Variants in KHDRBS2 observed in about 807,000 individuals in gnomAD.
KHDRBS2 encodes the protein KH domain-containing, RNA-binding, signal transduction-associated protein 2.
KHDRBS2 carries 26 observed loss-of-function variants against 44.3 expected under a neutral mutation model. That is an observed-to-expected ratio of 0.59 (90% confidence interval 0.43 to 0.81). The LOEUF is 0.81. KHDRBS2 is among the 40% of genes least tolerant of loss of function. The probability of loss-of-function intolerance (pLI) is 0.00; values close to 1 mark genes in which losing one functional copy is unlikely to be tolerated. For missense variants in KHDRBS2, 476 were observed against 433.1 expected (o/e 1.10, Z -0.88); for synonymous variants, 194 against 151.1 (o/e 1.28, Z -2.08).
At chr6:62,264,654 G>C (rs1838898853) in intron 1 of KHDRBS2, among the ~76,000 whole-genome samples, 1 of 151,650 alleles carries the variant, frequency 6.6e-6, no homozygotes, top group Non-Finnish European at 1.5e-5. Flanking sequence ...TGCAATAATT[G>C]ACCGATTTTA....
chr6:62,106,576 G>A (rs1416604798), intron 2 of KHDRBS2, among the ~76,000 whole-genome samples: 3 of 152,070 alleles, frequency 2.0e-5, no homozygotes, highest in Admixed American at 6.6e-5. Context: ...CCATTCAATA[G>A]AAAAAGAGGG....
At chr6:61,809,597 T>A (rs1787776753) in intron 6 of KHDRBS2, among the ~76,000 whole-genome samples, 1 of 152,156 alleles carries the variant, frequency 6.6e-6, no homozygotes, top group Non-Finnish European at 1.5e-5. Flanking sequence ...TTATTGATAC[T>A]TGAACTAATG....
intron 7 of KHDRBS2, among the ~76,000 whole-genome samples, chr6:61,723,908 G>A (rs1040784610): frequency 6.6e-6 from 1 of 152,130 alleles, no homozygotes; most frequent in Non-Finnish European, 1.5e-5. Flanking sequence ...TCATCCAGAA[G>A]AACTTCCCCA....
the KHDRBS2 span, among the ~76,000 whole-genome samples, chr6:61,674,425 G>A: frequency 2.0e-5 from 3 of 151,654 alleles, no homozygotes; most frequent in Non-Finnish European, 4.4e-5. Context: ...TTTTGGCTTT[G>A]CTATACATCT....
At position 62,091,548 on chromosome 6, in the gene KHDRBS2, T is replaced by C. The variant is rs1004508459; in HGVS notation, c.220-43554A>G. On this transcript the variant is annotated intron_variant, in intron 2 of 8. Transcript: ENST00000281156. ...TAATAAACTGTATTTTTCTACAGTT[T>C]CTTAAAAGTCCATATGAGTGCAACT... Among the ~76,000 whole-genome samples the C allele has an allele frequency of 3.3e-5, 5 of 152,200 alleles. No homozygotes were observed. In the South Asian group the frequency reaches 6.2e-4, roughly 19 times the overall value.
chr6:61,727,886 G>T (rs1773829519), intron 7 of KHDRBS2, among the ~76,000 whole-genome samples: 1 of 152,100 alleles, frequency 6.6e-6, no homozygotes, highest in Non-Finnish European at 1.5e-5. Context: ...ATACTGAGAA[G>T]CAGAAATACC....
intron 2 of KHDRBS2, among the ~76,000 whole-genome samples, chr6:62,100,446 T>C: frequency 6.6e-6 from 1 of 152,184 alleles, no homozygotes; most frequent in East Asian, 1.9e-4. Context: ...CAAAAGAAGT[T>C]TTACTGTGAG....
rs188696377 is a variant in KHDRBS2, at chr6:62,111,701, G to T, written c.220-63707C>A. Among the ~76,000 whole-genome samples, 9 of 152,080 alleles carry T rather than the reference G, an allele frequency of 5.9e-5. No homozygotes were observed. The East Asian group carries it at 1.7e-3, about 29-fold the overall frequency. ...GTTAGAGACCAACCTGGGAAATATA[G>T]TAAGACCCTATATCTACAAAAAATT... is the stretch of plus-strand genomic sequence containing the variant. On this transcript the variant is annotated intron_variant, in intron 2 of 8. Coordinates refer to ENST00000281156, the MANE Select transcript of KHDRBS2 (RefSeq NM_152688.4).
intron 2 of KHDRBS2, among the ~76,000 whole-genome samples, chr6:62,140,796 A>G (rs561017753): frequency 2.6e-5 from 4 of 152,318 alleles, no homozygotes; most frequent in African/African-American, 9.6e-5. Flanking sequence ...AAACCACAGA[A>G]GTATAAAGAG....
chr6:61,748,427 C>T (rs532747718), intron 6 of KHDRBS2, among the ~76,000 whole-genome samples: 1 of 152,152 alleles, frequency 6.6e-6, no homozygotes, highest in Non-Finnish European at 1.5e-5. Context: ...ACCAGCAGTC[C>T]TGGAAGCCCA....
At chr6:62,063,942 C>G (rs1244114131) in intron 2 of KHDRBS2, among the ~76,000 whole-genome samples, 1 of 146,078 alleles carries the variant, frequency 6.8e-6, no homozygotes, top group Non-Finnish European at 1.5e-5. Flanking sequence ...TCTCAGGATA[C>G]AAAATCAATG....
At chr6:61,569,900 C>T in the KHDRBS2 span, among the ~76,000 whole-genome samples, 1 of 152,080 alleles carries the variant, frequency 6.6e-6, no homozygotes, top group Non-Finnish European at 1.5e-5. Flanking sequence ...AAGGAATTAC[C>T]CCATGAGACA....
chr6:61,714,813 G>A (rs1422268995), intron 7 of KHDRBS2, among the ~76,000 whole-genome samples: 3 of 151,988 alleles, frequency 2.0e-5, no homozygotes, highest in Non-Finnish European at 4.4e-5. Context: ...GACAAATACT[G>A]CATTTCTCCC....
At chr6:62,073,952 T>C (rs945484089) in intron 2 of KHDRBS2, among the ~76,000 whole-genome samples, 1 of 151,846 alleles carries the variant, frequency 6.6e-6, no homozygotes, top group Non-Finnish European at 1.5e-5. Flanking sequence ...CCTGCACTAC[T>C]GCACCAGAAC....
At chr6:61,766,199 A>G (rs62416563) in intron 6 of KHDRBS2, among the ~76,000 whole-genome samples, 27,687 of 151,242 alleles carry the variant, frequency 0.18, 2,647 homozygotes, top group Non-Finnish European at 0.2. Flanking sequence ...TCATGATTCA[A>G]TCTCGGTAGG....
At chr6:61,678,804 G>T (rs1215803681), downstream of KHDRBS2, 1 of 151,830 alleles carries the variant, frequency 6.6e-6, no homozygotes, top group Non-Finnish European at 1.5e-5. Context: ...AGGTGTTTTA[G>T]CTCATCACTA....
At chr6:61,709,745 C>G (rs905039963) in intron 7 of KHDRBS2, among the ~76,000 whole-genome samples, 1 of 151,638 alleles carries the variant, frequency 6.6e-6, no homozygotes, top group Non-Finnish European at 1.5e-5. Flanking sequence ...CTCAGTGGTA[C>G]ATGACGTTAT....
chr6:61,611,324 C>T, the KHDRBS2 span, among the ~76,000 whole-genome samples: 1 of 152,072 alleles, frequency 6.6e-6, no homozygotes, highest in Admixed American at 6.6e-5. Flanking sequence ...AAAAAAGTAC[C>T]CAATCACCTT....
intron 2 of KHDRBS2, among the ~76,000 whole-genome samples, chr6:62,108,450 G>T (rs1584755318): frequency 6.6e-6 from 1 of 152,126 alleles, no homozygotes; most frequent in East Asian, 1.9e-4. Flanking sequence ...GGAAACAACA[G>T]GTGCTGGAGA....
Sources: allele counts gnomAD v4.1 joint callset (sites outside exome capture counted in the v4.1 genomes callset), GRCh38; gene constraint gnomAD v4.1.1; transcripts MANE v1.5; gene names NCBI Gene and HGNC (gene_info 2026-07-23, HGNC 2026-07-21).